Variants in PLCE1 observed in about 807,000 individuals in gnomAD.
PLCE1 encodes 1-phosphatidylinositol 4,5-bisphosphate phosphodiesterase epsilon-1.
A neutral mutation model predicts 242.8 loss-of-function variants in PLCE1; 119 were observed. The ratio of observed to expected loss-of-function variants is 0.49; its 90% CI spans 0.42 to 0.57. The LOEUF (loss-of-function observed/expected upper bound fraction) is 0.57, where lower values mean the gene tolerates loss of function less well. Among genes scored for constraint, PLCE1 ranks in the 20% least tolerant of loss-of-function variants. The pLI, the probability that PLCE1 is intolerant of heterozygous loss-of-function variation, is 0.00. For synonymous variants in PLCE1, 945 were observed against 1,017.4 expected (o/e 0.93, Z 1.35); for missense variants, 2,441 against 2,788.8 (o/e 0.88, Z 2.81).
chr10:94,201,981 A>C (rs1404912518), intron 4 of PLCE1, among the ~76,000 whole-genome samples: 2 of 152,232 alleles, frequency 1.3e-5, no homozygotes, highest in Non-Finnish European at 2.9e-5. Flanking sequence ...AATCATTCAA[A>C]ATATGAGGCA....
intron 4 of PLCE1, among the ~76,000 whole-genome samples, chr10:94,214,262 G>A (rs1253334773): frequency 6.6e-6 from 1 of 152,132 alleles, no homozygotes; most frequent in Non-Finnish European, 1.5e-5. Context: ...CTGCAGTACG[G>A]GCAGTAAGGC....
intron 2 of PLCE1, among the ~76,000 whole-genome samples, chr10:94,059,333 A>G (rs1009258596): frequency 3.3e-5 from 5 of 152,172 alleles, no homozygotes; most frequent in African/African-American, 9.7e-5. Context: ...CATGGTGGGA[A>G]GAGATGGACA....
chr10:94,064,002 G>T (rs940424200), intron 2 of PLCE1, among the ~76,000 whole-genome samples: 2 of 152,142 alleles, frequency 1.3e-5, no homozygotes, highest in African/African-American at 2.4e-5. Context: ...GCAGGAGTAG[G>T]GGGAGTGGGT....
Position 94,266,887 on chromosome 10 carries a change from T to C in PLCE1, c.4281+929T>C, listed in dbSNP as rs185745085. Reference sequence around the variant, plus strand: ...TTTTCTAAGGAAACTTTATTATGAATGAAGATGTGTTCTTAGAGCAGTGAT... The same window carrying C: ...TTTTCTAAGGAAACTTTATTATGAACGAAGATGTGTTCTTAGAGCAGTGAT... On this transcript the variant is annotated intron_variant, in intron 16 of 32. Transcript: ENST00000371380. Among the ~76,000 whole-genome samples the C allele has an allele frequency of 3.3e-5, 5 of 152,342 alleles. No homozygotes were observed. In the East Asian group the frequency reaches 9.6e-4, roughly 29 times the overall value.
At chr10:94,254,455 C>T (rs2050994630) in intron 10 of PLCE1, 148 bp downstream of exon 10, 1 of 709,074 alleles carries the variant, frequency 1.4e-6, no homozygotes, top group African/African-American at 1.8e-5. Context: ...CCTAAAGGTA[C>T]TTCTGCAAGC....
At chr10:94,117,237 C>T (rs2046161040) in intron 2 of PLCE1, among the ~76,000 whole-genome samples, 1 of 152,108 alleles carries the variant, frequency 6.6e-6, no homozygotes, top group Admixed American at 6.5e-5. Context: ...AAAAGGTGAC[C>T]CGACTTTTGG....
At chr10:94,230,243 C>T (rs1405419972) in intron 5 of PLCE1, among the ~76,000 whole-genome samples, 1 of 151,726 alleles carries the variant, frequency 6.6e-6, no homozygotes, top group Non-Finnish European at 1.5e-5. Context: ...AAATGAACAA[C>T]AATAGGAAAA....
At chr10:94,100,518 T>C (rs1222718680) in intron 2 of PLCE1, 1 of 152,186 alleles carries the variant, frequency 6.6e-6, no homozygotes, top group African/African-American at 2.4e-5. Flanking sequence ...AGAAGTTTAT[T>C]CCCAATTTCT....
chr10:94,107,360 A>G (rs1258975620), intron 2 of PLCE1, among the ~76,000 whole-genome samples: 1 of 152,136 alleles, frequency 6.6e-6, no homozygotes, highest in East Asian at 1.9e-4. Context: ...GGTGCTTTAC[A>G]TACATTATTG....
At chr10:94,126,782 T>C in intron 2 of PLCE1, among the ~76,000 whole-genome samples, 1 of 152,204 alleles carries the variant, frequency 6.6e-6, no homozygotes, top group South Asian at 2.1e-4. Context: ...TTCATTAGAC[T>C]TAACTTGACT....
At chr10:94,228,266 G>C in intron 5 of PLCE1, among the ~76,000 whole-genome samples, 1 of 152,210 alleles carries the variant, frequency 6.6e-6, no homozygotes, top group East Asian at 1.9e-4. Context: ...AGGCAGCATG[G>C]TATGTGAGGA....
At chr10:94,254,535 G>C (rs1206566888) in intron 10 of PLCE1, among the ~76,000 whole-genome samples, 1 of 152,110 alleles carries the variant, frequency 6.6e-6, no homozygotes, top group Non-Finnish European at 1.5e-5. Flanking sequence ...AGATATACAT[G>C]GTATAATTTG....
chr10:94,031,314 T>A lies in PLCE1; in HGVS notation c.268T>A (p.Cys90Ser). 5.0e-6 allele frequency: 8 copies of A among 1,613,758 alleles called. No homozygotes were observed. Among genetic ancestry groups the A allele is most frequent in the Non-Finnish European group, 5.9e-6 (7 of 1,179,864 alleles). The stretch of plus-strand genomic sequence containing the variant: ...GAGTGATGAGAACAGTAATGAAAAA[T>A]GTTGGGAGAAAATCATGCCAGATTC... ...IVSDENSNEK[C>S]WEKIMPDSAK... The change falls in exon 2 of 33, where the codon TGT becomes AGT. Residue 90 changes from cysteine (C) to serine (S), a missense_variant. Coordinates refer to ENST00000371380, the MANE Select transcript of PLCE1 (RefSeq NM_016341.4).
rs375006346 is a variant in PLCE1, at chr10:94,255,066, A to C, written c.3554+17A>C. On this transcript the variant is annotated intron_variant, in intron 11 of 32. Coordinates refer to ENST00000371380, the MANE Select transcript of PLCE1 (RefSeq NM_016341.4). ...CCCATCCAGGTGGGGCCTTAACATG[A>C]TAAAACAGAAGGACCCTTCACATTA... The C allele has an allele frequency of 4.3e-6, 7 of 1,613,184 alleles. No individual in the cohort carries two copies. The highest frequency in any genetic ancestry group is 5.9e-6 in the Non-Finnish European group (7 of 1,179,336).
intron 4 of PLCE1, among the ~76,000 whole-genome samples, chr10:94,201,771 G>A (rs1047967916): frequency 6.6e-6 from 1 of 152,170 alleles, no homozygotes; most frequent in African/African-American, 2.4e-5. Flanking sequence ...GAGCCACCAC[G>A]CCCAGGCTAA....
At chr10:94,245,829 C>A in intron 7 of PLCE1, 117 bp from the exon 8 acceptor site, 1 of 846,024 alleles carries the variant, frequency 1.2e-6, no homozygotes, top group Admixed American at 1.9e-5. Context: ...TTTGTATTTC[C>A]TATGCTAATT....
At chr10:94,150,802 G>A (rs377002008) in intron 3 of PLCE1, among the ~76,000 whole-genome samples, 3 of 152,264 alleles carry the variant, frequency 2.0e-5, no homozygotes, top group African/African-American at 7.2e-5. Context: ...TCCTTTATAT[G>A]ATATGAAGCC....
At chr10:94,261,270 G>T (rs763631892) in intron 13 of PLCE1, among the ~76,000 whole-genome samples, 1 of 152,138 alleles carries the variant, frequency 6.6e-6, no homozygotes, top group Non-Finnish European at 1.5e-5. Context: ...TCAGACTGGC[G>T]TCTTTCACTT....
At chr10:94,255,918 T>A (rs5009802) in intron 11 of PLCE1, among the ~76,000 whole-genome samples, 10,722 of 47,118 alleles carry the variant, frequency 0.23, 408 homozygotes, top group African/African-American at 0.28. Context: ...ACACACACTC[T>A]CTCTCTCTCT....
Sources: allele counts gnomAD v4.1 joint callset (sites outside exome capture counted in the v4.1 genomes callset), GRCh38; gene constraint gnomAD v4.1.1; transcripts MANE v1.5; gene names NCBI Gene and HGNC (gene_info 2026-07-23, HGNC 2026-07-21).